AFTPH: variants seen among roughly 807,000 people sequenced by gnomAD.
AFTPH encodes the protein aftiphilin.
Under a neutral mutation model 72.5 loss-of-function variants are expected in AFTPH, and 7 were observed. The ratio of observed to expected loss-of-function variants is 0.10; its 90% confidence interval spans 0.05 to 0.18. The LOEUF is 0.18. Among genes scored for constraint, AFTPH ranks in the 10% least tolerant of loss-of-function variants. AFTPH has a pLI of 1.00. For synonymous variants in AFTPH, 337 were observed against 370.1 expected, an observed-to-expected ratio of 0.91 and a Z score of 1.03; for missense variants, 979 against 1,060.5, an observed-to-expected ratio of 0.92 and a Z score of 1.07.
Position 64,588,669 on chromosome 2 carries a change from T to C in AFTPH, c.2579+3124T>C, listed in dbSNP as rs949725643. Among the ~76,000 whole-genome samples the C allele has an allele frequency of 3.3e-5, 5 of 152,232 alleles. No homozygotes were observed. In the East Asian group the frequency reaches 7.7e-4, roughly 23 times the overall value. On this transcript the variant is annotated intron_variant, in intron 8 of 8. Coordinates refer to ENST00000238856, the Ensembl canonical transcript of AFTPH. ...TTGTTTGCATTTCCCTGATAGCTAA[T>C]CATGTTGAGCATCTTTTCATGTGTT...
At chr2:64,581,212 G>A in intron 7 of AFTPH, 1 of 1,599,152 alleles carries the variant, frequency 6.3e-7, no homozygotes, top group Non-Finnish European at 8.5e-7. Context: ...CCACTCTTCT[G>A]AACCTTGATT....
At chr2:64,554,717 G>A (rs1671254153) in intron 2 of AFTPH, among the ~76,000 whole-genome samples, 1 of 152,198 alleles carries the variant, frequency 6.6e-6, no homozygotes, top group Admixed American at 6.5e-5. Context: ...CTATTGAGCA[G>A]TTCATTATTT....
chr2:64,552,153 C>G, exon 2 of AFTPH: 1 of 1,613,998 alleles, frequency 6.2e-7, no homozygotes, highest in Non-Finnish European at 8.5e-7. Flanking sequence ...TGTACCTAGT[C>G]CTGCTGAGGA....
chr2:64,567,896 GC>G (rs1354971034), intron 3 of AFTPH, among the ~76,000 whole-genome samples, 183 bp downstream of exon 3: 2 of 131,096 alleles, frequency 1.5e-5, no homozygotes, highest in Non-Finnish European at 3.5e-5. Context: ...CAGAAAATTA[GC>G]AGGGTATGGT....
At chr2:64,589,264 G>C (rs1573054276) in intron 8 of AFTPH, among the ~76,000 whole-genome samples, 1 of 152,232 alleles carries the variant, frequency 6.6e-6, no homozygotes, top group East Asian at 1.9e-4. Context: ...TGTGCAGGTG[G>C]ATATCCAGTT....
chr2:64,550,381 G>T (rs879817037), intron 1 of AFTPH, among the ~76,000 whole-genome samples: 16 of 152,012 alleles, frequency 1.1e-4, no homozygotes, highest in Non-Finnish European at 1.8e-4. Flanking sequence ...AAAAAGAAAA[G>T]GAATGAACTG....
chr2:64,567,485 G>A, intron 2 of AFTPH, 77 bp from the exon 3 acceptor site: 1 of 1,481,050 alleles, frequency 6.8e-7, no homozygotes, highest in Non-Finnish European at 9.1e-7. Context: ...GTGTGCGTGT[G>A]TTTGCATTTT....
rs566778404 is a variant in AFTPH at position 64,531,582 on chromosome 2, A to G, written c.-33+6970A>G. 6.7e-3 allele frequency among the ~76,000 whole-genome samples: 1,024 copies of G among 152,382 alleles called. 3 individuals carry two copies. Among genetic ancestry groups the G allele is most frequent in the Non-Finnish European group, 0.011 (725 of 68,032 alleles). ...TAGCAAGCTATTTAAGTATAAAAAA[A>G]TACAGTACTATCTTCTAGAACTATC... On this transcript the variant is annotated intron_variant, in intron 1 of 8. Transcript: ENST00000238856.
At chr2:64,528,994 A>G (rs1463988875) in intron 1 of AFTPH, among the ~76,000 whole-genome samples, 3 of 152,216 alleles carry the variant, frequency 2.0e-5, no homozygotes, top group East Asian at 3.9e-4. Flanking sequence ...GGTAGAGTTA[A>G]GAAGAGATGG....
At chr2:64,555,564 C>T (rs1438100719) in intron 2 of AFTPH, among the ~76,000 whole-genome samples, 1 of 146,776 alleles carries the variant, frequency 6.8e-6, no homozygotes, top group Non-Finnish European at 1.5e-5. Context: ...GTCACACACA[C>T]ACACACACAC....
At chr2:64,552,235 A>G (rs1025960424) in exon 2 of AFTPH, 1 of 1,613,958 alleles carries the variant, frequency 6.2e-7, no homozygotes. Flanking sequence ...GCAGTTTTAA[A>G]TGATAGAGAA....
intron 1 of AFTPH, among the ~76,000 whole-genome samples, chr2:64,531,605 A>G (rs1011365833): frequency 6.6e-6 from 1 of 152,252 alleles, no homozygotes; most frequent in African/African-American, 2.4e-5. Context: ...TTCTAGAACT[A>G]TCTTGTCTAA....
intron 1 of AFTPH, among the ~76,000 whole-genome samples, chr2:64,532,090 A>G (rs922610378): frequency 8.5e-5 from 13 of 152,190 alleles, no homozygotes; most frequent in Admixed American, 1.3e-4. Context: ...AAATATGTGT[A>G]GGAGGACTTG....
intron 1 of AFTPH, among the ~76,000 whole-genome samples, chr2:64,534,469 T>C (rs543205184): frequency 2.0e-4 from 31 of 152,176 alleles, no homozygotes; most frequent in Admixed American, 3.3e-4. Context: ...ACTTCTTACT[T>C]ATAGTTAAGT....
chr2:64,539,594 T>C lies in AFTPH; in HGVS notation c.-32-11849T>C, dbSNP rs141896194. 4.7e-3 allele frequency among the ~76,000 whole-genome samples: 719 copies of C among 152,256 alleles called. 3 individuals are homozygous for C. Among genetic ancestry groups the C allele is most frequent in the African/African-American group, 0.017 (697 of 41,556 alleles). On this transcript the variant is annotated intron_variant, in intron 1 of 8. Transcript: ENST00000238856. Reference sequence around the variant, plus strand: ...TGTGGTTATAGAAATCTAATTGGAGTGTGCGTGAGTTGGAGCACAATTCAA... The same window carrying C: ...TGTGGTTATAGAAATCTAATTGGAGCGTGCGTGAGTTGGAGCACAATTCAA...
chr2:64,584,791 T>C (rs1010552863), intron 7 of AFTPH, among the ~76,000 whole-genome samples: 1 of 151,924 alleles, frequency 6.6e-6, no homozygotes, highest in Non-Finnish European at 1.5e-5. Context: ...AGAGACGGGG[T>C]TTCACCGTTT....
At chr2:64,526,292 T>C (rs1669260588) in intron 1 of AFTPH, among the ~76,000 whole-genome samples, 1 of 152,212 alleles carries the variant, frequency 6.6e-6, no homozygotes, top group Non-Finnish European at 1.5e-5. Flanking sequence ...TTCAGAAATG[T>C]AGTGACATTT....
intron 1 of AFTPH, among the ~76,000 whole-genome samples, chr2:64,546,174 TGA>T (rs1670603378): frequency 6.7e-6 from 1 of 150,140 alleles, no homozygotes; most frequent in Non-Finnish European, 1.5e-5. Flanking sequence ...ATTACAGGCG[TGA>T]GCCACTGCAC....
intron 2 of AFTPH, among the ~76,000 whole-genome samples, chr2:64,555,007 A>AT (rs1671269906): frequency 6.6e-6 from 1 of 152,210 alleles, no homozygotes; most frequent in African/African-American, 2.4e-5. Context: ...GAGATAATAA[A>AT]GCGTATGGGC....
Sources: allele counts gnomAD v4.1 joint callset (sites outside exome capture counted in the v4.1 genomes callset), GRCh38; gene constraint gnomAD v4.1.1; transcripts MANE v1.5; gene names NCBI Gene and HGNC (gene_info 2026-07-23, HGNC 2026-07-21).